The following RALYL variants were observed in gnomAD, a reference collection of about 807,000 sequenced individuals.
RALYL encodes the protein RNA-binding Raly-like protein.
RALYL carries 29 observed loss-of-function variants against 35.1 expected under a neutral mutation model. The ratio of observed to expected loss-of-function variants is 0.83; its 90% confidence interval spans 0.61 to 1.13. RALYL has a LOEUF of 1.13. Among genes scored for constraint, RALYL ranks in the 50% most tolerant of loss-of-function variants. RALYL has a pLI of 0.00. For missense variants in RALYL, 359 were observed against 360.4 expected (o/e 1.00, Z 0.03); for synonymous variants, 120 against 127.6 (o/e 0.94, Z 0.40).
At chr8:84,798,166 C>CTAT (rs1314341664) in intron 3 of RALYL, among the ~76,000 whole-genome samples, 1 of 152,242 alleles carries the variant, frequency 6.6e-6, no homozygotes, top group East Asian at 1.9e-4. Context: ...ACTCCTGAAT[C>CTAT]TATTTCCAGC....
Position 84,850,619 on chromosome 8 carries a change from A to G in RALYL, c.413+592A>G, listed in dbSNP as rs990939588. Reference sequence around the variant, plus strand: ...GGAAACTATAGTAAAGCTAATTGTTATTTAGTATACTATAATTTAAAACAA... The same window carrying G: ...GGAAACTATAGTAAAGCTAATTGTTGTTTAGTATACTATAATTTAAAACAA... On this transcript the variant is annotated intron_variant, in intron 5 of 8. Transcript: ENST00000521268. 2.0e-5 allele frequency among the ~76,000 whole-genome samples: 3 copies of G among 152,244 alleles called. No individual in the cohort carries two copies. In the South Asian group the frequency reaches 6.2e-4, roughly 31 times the overall value.
intron 1 of RALYL, among the ~76,000 whole-genome samples, chr8:84,438,843 C>G (rs913327853): frequency 6.6e-6 from 1 of 152,204 alleles, no homozygotes; most frequent in Non-Finnish European, 1.5e-5. Flanking sequence ...AAATGAAGTT[C>G]TTTCCCCATT....
At chr8:84,339,823 A>C (rs1202628712) in intron 1 of RALYL, among the ~76,000 whole-genome samples, 1 of 152,056 alleles carries the variant, frequency 6.6e-6, no homozygotes, top group Non-Finnish European at 1.5e-5. Context: ...TTAGTACGAA[A>C]TCTAGTGCTT....
At chr8:84,800,637 G>A (rs1413616994) in intron 3 of RALYL, among the ~76,000 whole-genome samples, 1 of 75,392 alleles carries the variant, frequency 1.3e-5, no homozygotes, top group Admixed American at 1.7e-4. Context: ...GTAAATCTTA[G>A]GAAAGATAAA....
At chr8:84,351,478 G>T (rs1404651639) in intron 1 of RALYL, among the ~76,000 whole-genome samples, 1 of 148,956 alleles carries the variant, frequency 6.7e-6, no homozygotes, top group Non-Finnish European at 1.5e-5. Flanking sequence ...AGCTCCCAGG[G>T]GTGCATAAAT....
At chr8:84,700,178 T>C (rs1839938017) in intron 2 of RALYL, among the ~76,000 whole-genome samples, 1 of 151,820 alleles carries the variant, frequency 6.6e-6, no homozygotes, top group South Asian at 2.1e-4. Flanking sequence ...GGAAAGCATA[T>C]AGAGAAAGAG....
At chr8:84,578,350 A>G (rs567842619) in intron 2 of RALYL, among the ~76,000 whole-genome samples, 1 of 152,334 alleles carries the variant, frequency 6.6e-6, no homozygotes, top group East Asian at 1.9e-4. Context: ...AGGGTGTCAC[A>G]GCCCTGGCTC....
At chr8:84,621,607 A>T (rs1821509108) in intron 2 of RALYL, among the ~76,000 whole-genome samples, 1 of 152,220 alleles carries the variant, frequency 6.6e-6, no homozygotes, top group African/African-American at 2.4e-5. Context: ...CTATTCAGCC[A>T]TCTTGGCTCC....
At chr8:84,439,647 GT>G (rs1189474452) in intron 1 of RALYL, among the ~76,000 whole-genome samples, 1 of 151,550 alleles carries the variant, frequency 6.6e-6, no homozygotes, top group Non-Finnish European at 1.5e-5. Flanking sequence ...ATATTTTGTT[GT>G]TTTTTTCATA....
At chr8:84,382,889 C>T (rs1248677528) in intron 1 of RALYL, among the ~76,000 whole-genome samples, 1 of 151,588 alleles carries the variant, frequency 6.6e-6, no homozygotes, top group Non-Finnish European at 1.5e-5. Flanking sequence ...TTATCTTTGC[C>T]ACCTTACGTG....
At chr8:84,510,294 T>C (rs983128495) in intron 1 of RALYL, among the ~76,000 whole-genome samples, 3 of 152,170 alleles carry the variant, frequency 2.0e-5, no homozygotes, top group African/African-American at 7.2e-5. Context: ...CAAATTTAAA[T>C]ACTGTATTTT....
At chr8:84,725,309 C>A (rs1844737637) in intron 2 of RALYL, among the ~76,000 whole-genome samples, 1 of 151,592 alleles carries the variant, frequency 6.6e-6, no homozygotes, top group Non-Finnish European at 1.5e-5. Context: ...GGATATAGGC[C>A]ACACTTATTT....
chr8:84,833,154 G>T (rs551900370), intron 4 of RALYL, among the ~76,000 whole-genome samples: 1 of 151,982 alleles, frequency 6.6e-6, no homozygotes, highest in South Asian at 2.1e-4. Context: ...TTTTATATAG[G>T]GTCATTGTCT....
intron 1 of RALYL, among the ~76,000 whole-genome samples, chr8:84,528,523 G>T (rs1176115460): frequency 6.6e-6 from 1 of 152,068 alleles, no homozygotes; most frequent in South Asian, 2.1e-4. Context: ...CAACATAGGA[G>T]CCTTTAGTTA....
chr8:84,729,483 C>G lies in RALYL; in HGVS notation c.257-45096C>G, dbSNP rs1329966143. The stretch of plus-strand genomic sequence containing the variant: ...ATCACAATTAAAAGAACTAGAAAAG[C>G]AAGAGCAAACACATTCAAAAGCTAG... On this transcript the variant is annotated intron_variant, in intron 2 of 8. Transcript: ENST00000521268. 2.0e-5 allele frequency among the ~76,000 whole-genome samples: 3 copies of G among 151,798 alleles called. No homozygotes were observed. In the East Asian group the frequency reaches 5.8e-4, roughly 29 times the overall value.
chr8:84,430,283 A>G (rs562669718), intron 1 of RALYL, among the ~76,000 whole-genome samples: 1 of 152,146 alleles, frequency 6.6e-6, no homozygotes, highest in Non-Finnish European at 1.5e-5. Flanking sequence ...ACTCCAAAGC[A>G]TATATTTTCC....
chr8:84,546,416 G>A (rs960414007), intron 2 of RALYL, among the ~76,000 whole-genome samples: 4 of 152,030 alleles, frequency 2.6e-5, no homozygotes, highest in African/African-American at 7.2e-5. Context: ...CCACCACGCC[G>A]AGCCAAGAGA....
intron 1 of RALYL, among the ~76,000 whole-genome samples, chr8:84,477,342 T>G (rs1009217386): frequency 1.3e-5 from 2 of 148,402 alleles, no homozygotes; most frequent in Non-Finnish European, 3.0e-5. Flanking sequence ...TGTGTGTGTA[T>G]CCATCTATCT....
chr8:84,388,874 T>C (rs1257057187), intron 1 of RALYL, among the ~76,000 whole-genome samples: 1 of 152,166 alleles, frequency 6.6e-6, no homozygotes, highest in African/African-American at 2.4e-5. Context: ...ATTTTGGCTT[T>C]TGTTGCCATT....
Sources: gnomAD v4.1 joint callset for allele counts (sites outside exome capture counted in the v4.1 genomes callset) on GRCh38, gnomAD v4.1.1 for gene constraint, MANE v1.5 for transcripts, NCBI Gene and HGNC (gene_info 2026-07-23, HGNC 2026-07-21) for gene names.